CD99L2: variants seen among roughly 807,000 people sequenced by gnomAD.
CD99L2 encodes the protein CD99 antigen-like protein 2.
CD99L2 carries 24 observed loss-of-function variants against 27.3 expected under a neutral mutation model. The observed-to-expected ratio is 0.88, with a 90% CI of 0.64 to 1.24. The LOEUF (loss-of-function observed/expected upper bound fraction) is 1.24, where lower values mean the gene tolerates loss of function less well. Among genes scored for constraint, CD99L2 ranks in the 50% most tolerant of loss-of-function variants. The pLI is 0.00. For synonymous variants in CD99L2, 97 were observed against 87.9 expected, an observed-to-expected ratio of 1.10 and a Z score of -0.58; for missense variants, 255 against 221.6, an observed-to-expected ratio of 1.15 and a Z score of -0.96.
chrX:150,777,309 T>G (rs1184817742), intron 8 of CD99L2, 135 bp downstream of exon 8: 2 of 730,064 alleles, frequency 2.7e-6, no homozygotes, highest in Non-Finnish European at 4.1e-6. Context: ...CTATCTTATT[T>G]AGGAGTAGAA....
chrX:150,878,013 T>C (rs1557422370), intron 1 of CD99L2, among the ~76,000 whole-genome samples: 1 of 102,251 alleles, frequency 9.8e-6, no homozygotes, highest in African/African-American at 3.9e-5. Context: ...CACCAGTAGC[T>C]TTCTCAGACA....
At chrX:150,789,510 T>C (rs1394572195) in intron 7 of CD99L2, among the ~76,000 whole-genome samples, 2 of 112,304 alleles carry the variant, frequency 1.8e-5, no homozygotes, top group African/African-American at 6.5e-5. Context: ...CTTGTCTTTT[T>C]CTTTTCTTCA....
intron 7 of CD99L2, among the ~76,000 whole-genome samples, chrX:150,786,436 C>T (rs2045596566): frequency 9.0e-6 from 1 of 111,138 alleles, no homozygotes; most frequent in Non-Finnish European, 1.9e-5. Flanking sequence ...TATGTGTTCT[C>T]ATCATTTAGC....
At chrX:150,776,540 G>A (rs1557419269) in intron 8 of CD99L2, among the ~76,000 whole-genome samples, 1 of 111,944 alleles carries the variant, frequency 8.9e-6, no homozygotes, top group Non-Finnish European at 1.9e-5. Context: ...GGGAGACACG[G>A]AAATGGTGCA....
In CD99L2 at chrX:150,797,523, A is replaced by G. The variant is rs182009602; in HGVS notation, c.278-2037T>C. On this transcript the variant is annotated intron_variant, in intron 4 of 10. Coordinates refer to ENST00000370377, the MANE Select transcript of CD99L2 (RefSeq NM_031462.4). ...CTATCTAAAGCAATCTACAGATTCA[A>G]TGGAATCCCTACCAAAATCCCAATG... Among the ~76,000 whole-genome samples the G allele has an allele frequency of 9.4e-4, 106 of 112,586 alleles. 1 individual carries two copies. The highest frequency in any genetic ancestry group is 3.3e-3 in the African/African-American group (103 of 31,034).
intron 1 of CD99L2, among the ~76,000 whole-genome samples, chrX:150,874,566 G>A (rs999331230): frequency 6.5e-5 from 7 of 107,742 alleles, no homozygotes; most frequent in African/African-American, 3.4e-5. Flanking sequence ...AATGGGGGGC[G>A]GGGGCGGGGG....
intron 1 of CD99L2, among the ~76,000 whole-genome samples, chrX:150,838,268 A>T (rs1293959804): frequency 1.8e-5 from 2 of 112,313 alleles, no homozygotes; most frequent in Non-Finnish European, 3.8e-5. Context: ...GTAAGGACTG[A>T]CAGTCACATG....
intron 1 of CD99L2, among the ~76,000 whole-genome samples, chrX:150,837,543 C>T (rs183560850): frequency 6.2e-4 from 70 of 112,145 alleles, no homozygotes; most frequent in African/African-American, 1.8e-3. Flanking sequence ...CCACTGCACC[C>T]GGCCTGGAAG....
At chrX:150,817,219 AAATAAATAAATAAAT>A (rs1569565980) in intron 2 of CD99L2, among the ~76,000 whole-genome samples, 20 of 108,054 alleles carry the variant, frequency 1.9e-4, no homozygotes, top group Admixed American at 5.9e-4. Flanking sequence ...AAAAATAAAT[AAATAAATAAATAAAT>A]AAATAAAAAT....
rs370959686 is a variant in CD99L2 at position 150,847,900 on chromosome X, G to A, written c.68-16607C>T. 7.2e-5 allele frequency among the ~76,000 whole-genome samples: 8 copies of A among 111,095 alleles called. No homozygotes were observed. In the South Asian group the frequency reaches 3.1e-3, roughly 43 times the overall value. On this transcript the variant is annotated intron_variant, in intron 1 of 10. Transcript: ENST00000370377. ...CACTGCCACTACCAAGCCAGGCAGC[G>A]ATCATCTTTCCCCTGGACAGCCACA... is the stretch of plus-strand genomic sequence containing the variant.
intron 4 of CD99L2, among the ~76,000 whole-genome samples, chrX:150,813,558 T>C (rs1332513768): frequency 2.7e-5 from 3 of 112,318 alleles, no homozygotes; most frequent in Non-Finnish European, 5.6e-5. Context: ...CTACTAAGTT[T>C]ATGATAGCAT....
intron 1 of CD99L2, among the ~76,000 whole-genome samples, chrX:150,841,453 T>A (rs782141060): frequency 1.8e-5 from 2 of 111,849 alleles, no homozygotes; most frequent in Admixed American, 1.9e-4. Flanking sequence ...TTTCTGCCTT[T>A]TTGTTTTCAA....
intron 10 of CD99L2, among the ~76,000 whole-genome samples, chrX:150,769,544 CA>C (rs2043376480): frequency 8.9e-6 from 1 of 112,384 alleles, no homozygotes; most frequent in South Asian, 3.7e-4. Context: ...TCTTCAGCAG[CA>C]TTGTAGGGCA....
chrX:150,866,146 C>A (rs1308713741), intron 1 of CD99L2, among the ~76,000 whole-genome samples: 3 of 111,010 alleles, frequency 2.7e-5, no homozygotes, highest in African/African-American at 9.8e-5. Flanking sequence ...AAATAAAAAA[C>A]CAATTTTAGG....
chrX:150,791,018 T>A (rs1274255767), intron 7 of CD99L2, among the ~76,000 whole-genome samples: 1 of 110,520 alleles, frequency 9.0e-6, no homozygotes, highest in Non-Finnish European at 1.9e-5. Flanking sequence ...ACCAGAGCTT[T>A]CTCCCCACTC....
intron 4 of CD99L2, among the ~76,000 whole-genome samples, chrX:150,806,678 G>A (rs1046925995): frequency 9.0e-6 from 1 of 111,453 alleles, no homozygotes; most frequent in Non-Finnish European, 1.9e-5. Flanking sequence ...ATCACCTGAT[G>A]TCAGGAGTTC....
At chrX:150,831,695 A>G (rs1326670063) in intron 1 of CD99L2, among the ~76,000 whole-genome samples, 1 of 111,359 alleles carries the variant, frequency 9.0e-6, no homozygotes, top group Non-Finnish European at 1.9e-5. Context: ...ACAAACCCCC[A>G]TGATACAAGT....
At chrX:150,897,849 T>C (rs943439345) in intron 1 of CD99L2, among the ~76,000 whole-genome samples, 11 of 110,864 alleles carry the variant, frequency 9.9e-5, no homozygotes, top group Middle Eastern at 4.6e-3. Flanking sequence ...GGGCGTGAGA[T>C]GCTGCAGTTC....
At chrX:150,848,558 A>T (rs1557421524) in intron 1 of CD99L2, among the ~76,000 whole-genome samples, 1 of 86,961 alleles carries the variant, frequency 1.1e-5, no homozygotes, top group African/African-American at 3.8e-5. Flanking sequence ...CCACAATTTA[A>T]AAAAAAAAAA....
Sources: allele counts gnomAD v4.1 joint callset (sites outside exome capture counted in the v4.1 genomes callset), GRCh38; gene constraint gnomAD v4.1.1; transcripts MANE v1.5; gene names NCBI Gene and HGNC (gene_info 2026-07-23, HGNC 2026-07-21).